ZNF462: variants seen among roughly 807,000 people sequenced by gnomAD.
The protein encoded by ZNF462 is zinc finger PBX1-interacting protein.
ZNF462 carries 10 observed loss-of-function variants against 201.9 expected under a neutral mutation model. The observed-to-expected ratio is 0.05, with a 90% CI of 0.03 to 0.08. ZNF462 has a LOEUF of 0.08. ZNF462 is among the 10% of genes least tolerant of loss of function. The pLI is 1.00. For missense variants in ZNF462, 2,523 were observed against 3,168.3 expected, an observed-to-expected ratio of 0.80 and a Z score of 4.89; for synonymous variants, 1,227 against 1,193.3, an observed-to-expected ratio of 1.03 and a Z score of -0.58.
chr9:106,989,308 G>A (rs943256658), intron 10 of ZNF462, among the ~76,000 whole-genome samples: 2 of 152,112 alleles, frequency 1.3e-5, no homozygotes, highest in Non-Finnish European at 2.9e-5. Flanking sequence ...TGCGATTTCT[G>A]TTTCAAATTC....
At chr9:106,922,530 C>G (rs1214237111) in intron 1 of ZNF462, among the ~76,000 whole-genome samples, 1 of 152,162 alleles carries the variant, frequency 6.6e-6, no homozygotes, top group African/African-American at 2.4e-5. Context: ...CTTAGAAGCC[C>G]TTCTTCAAAA....
At chr9:106,983,527 AG>A (rs556106209) in intron 9 of ZNF462, among the ~76,000 whole-genome samples, 5 of 152,204 alleles carry the variant, frequency 3.3e-5, no homozygotes, top group Non-Finnish European at 7.3e-5. Context: ...ATACCTTAGA[AG>A]GGGAAATGAG....
At chr9:107,007,995 C>G (rs1276294425) in intron 11 of ZNF462, among the ~76,000 whole-genome samples, 1 of 152,144 alleles carries the variant, frequency 6.6e-6, no homozygotes, top group African/African-American at 2.4e-5. Flanking sequence ...CCACCCCACT[C>G]CCTACCTCCT....
Position 106,924,920 on chromosome 9 carries a change from C to T in ZNF462, c.1008C>T (p.Ser336=). ...TCATGAGACCCAATTCTTCAGCTTC[C>T]AAGTTTTCGCCCATGTCTTACCCTC... is the stretch of plus-strand genomic sequence containing the variant. ...NSIMRPNSSA[S]KFSPMSYPQM... Residue 336 remains serine (S), a synonymous_variant, in exon 3 of 13, where the codon TCC becomes TCT. Transcript: ENST00000277225. This position sits in a 1 kb window ranked among gnomAD's most constrained non-coding sequence, Gnocchi z 6.2. 1 of 1,614,196 alleles carries T rather than the reference C, an allele frequency of 6.2e-7. No homozygotes were observed. The highest frequency in any genetic ancestry group is 8.5e-7 in the Non-Finnish European group (1 of 1,180,046).
chr9:106,965,152 T>A (rs1832013911), intron 7 of ZNF462, among the ~76,000 whole-genome samples: 1 of 151,526 alleles, frequency 6.6e-6, no homozygotes, highest in Non-Finnish European at 1.5e-5. Flanking sequence ...TCAGCTGAGT[T>A]TTGAAGGATG....
rs1368297487 is a variant in ZNF462, at chr9:106,917,587, A to G, written c.-30-5767A>G. On this transcript the variant is annotated intron_variant, in intron 1 of 12. Transcript: ENST00000277225. This position sits in a 1 kb window ranked among gnomAD's most constrained non-coding sequence, Gnocchi z 4.5. ...TTTCTCTTCTGAAAATTTGGTTTTGAAGAACAGCTGTGTCTCCCTTCTGAA... is the reference window on the plus strand; with the variant it reads ...TTTCTCTTCTGAAAATTTGGTTTTGGAGAACAGCTGTGTCTCCCTTCTGAA... 6.6e-6 allele frequency among the ~76,000 whole-genome samples: 1 copy of G among 152,206 alleles called. No individual in the cohort carries two copies. The highest frequency in any genetic ancestry group is 1.5e-5 in the Non-Finnish European group (1 of 68,044).
chr9:106,980,659 C>T (rs761859880), intron 9 of ZNF462, among the ~76,000 whole-genome samples: 21 of 152,182 alleles, frequency 1.4e-4, no homozygotes, highest in Non-Finnish European at 2.9e-4. Context: ...TCGGGCCCAA[C>T]CTCTTCGGTT....
upstream of ZNF462, among the ~76,000 whole-genome samples, chr9:106,862,532 CCTT>C (rs1827101320): frequency 6.8e-6 from 1 of 146,792 alleles, no homozygotes; most frequent in South Asian, 2.3e-4. This position sits in a 1 kb window ranked among gnomAD's most constrained non-coding sequence, Gnocchi z 4.2. Flanking sequence ...TTCCCCTTCT[CCTT>C]CTCCTTTGCC....
intron 1 of ZNF462, among the ~76,000 whole-genome samples, chr9:106,898,817 T>A (rs1182451316): frequency 6.6e-6 from 1 of 152,130 alleles, no homozygotes; most frequent in Non-Finnish European, 1.5e-5. Flanking sequence ...CTAAGAAGGT[T>A]GTTGCTGACC....
chr9:106,936,311 T>C (rs762315188), intron 6 of ZNF462, among the ~76,000 whole-genome samples: 1 of 152,210 alleles, frequency 6.6e-6, no homozygotes, highest in Non-Finnish European at 1.5e-5. Flanking sequence ...TTTAGTCCTA[T>C]AATCGTCCTA....
chr9:106,987,303 G>A (rs997724422), intron 10 of ZNF462, among the ~76,000 whole-genome samples: 70 of 152,078 alleles, frequency 4.6e-4, no homozygotes, highest in Admixed American at 3.7e-3. Context: ...TTCGCTCTTC[G>A]TTGCATCCAT....
chr9:106,979,061 G>T, intron 9 of ZNF462: 1 of 167,996 alleles, frequency 6.0e-6, no homozygotes, highest in Non-Finnish European at 1.2e-5. Flanking sequence ...TAGGACTCAG[G>T]GCAAGCGGGA....
chr9:106,864,136 G>A (rs539385218), intron 1 of ZNF462, among the ~76,000 whole-genome samples: 1 of 144,182 alleles, frequency 6.9e-6, no homozygotes, highest in Non-Finnish European at 1.5e-5. Context: ...GGGATGCGGG[G>A]TCGGGATGTG....
intron 1 of ZNF462, among the ~76,000 whole-genome samples, chr9:106,881,519 G>A (rs1323182495): frequency 6.6e-6 from 1 of 152,120 alleles, no homozygotes; most frequent in African/African-American, 2.4e-5. Flanking sequence ...GAAATCTCTG[G>A]TGCAGAGCTT....
chr9:106,864,601 C>T (rs1827248639), intron 1 of ZNF462, among the ~76,000 whole-genome samples: 1 of 152,058 alleles, frequency 6.6e-6, no homozygotes, highest in South Asian at 2.1e-4. Flanking sequence ...TGAAGGAACC[C>T]TCGTTTTCTT....
At chr9:106,986,725 T>C (rs1827859154) in intron 10 of ZNF462, among the ~76,000 whole-genome samples, 2 of 152,148 alleles carry the variant, frequency 1.3e-5, no homozygotes, top group South Asian at 4.1e-4. Context: ...ACCCCAGCAG[T>C]ATACACTGCA....
rs937220021 is a variant in ZNF462 at position 106,984,656 on chromosome 9, C to G, written c.7056+247C>G. 6.6e-6 allele frequency among the ~76,000 whole-genome samples: 1 copy of G among 152,232 alleles called. No homozygotes were observed. Among genetic ancestry groups the G allele is most frequent in the African/African-American group, 2.4e-5 (1 of 41,462 alleles). Reference sequence around the variant, plus strand: ...ACACTAGTCCAAATGCTGAACATTTCTGGTCTGTTCTCTAGACCCACTTTC... The same window carrying G: ...ACACTAGTCCAAATGCTGAACATTTGTGGTCTGTTCTCTAGACCCACTTTC... On this transcript the variant is annotated intron_variant, in intron 10 of 12. Transcript: ENST00000277225. The surrounding 1 kb of genome is among the most constrained non-coding windows in gnomAD (Gnocchi z 6.4).
chr9:106,942,561 A>C (rs552418350), intron 7 of ZNF462, among the ~76,000 whole-genome samples: 1 of 152,228 alleles, frequency 6.6e-6, no homozygotes, highest in Non-Finnish European at 1.5e-5. Flanking sequence ...TAAACAATGC[A>C]TTAAGAGGAA....
chr9:107,005,897 A>G lies in ZNF462; in HGVS notation c.7189+2471A>G, dbSNP rs756170053. On this transcript the variant is annotated intron_variant, in intron 11 of 12. Transcript: ENST00000277225. The surrounding 1 kb of genome is among the most constrained non-coding windows in gnomAD (Gnocchi z 4.4). The stretch of plus-strand genomic sequence containing the variant: ...TAAGGATCTAATTTCATTCTTCTGC[A>G]TGTGGATATCCACCTGTTCCAATAC... 1.3e-5 allele frequency among the ~76,000 whole-genome samples: 2 copies of G among 152,196 alleles called. No individual in the cohort carries two copies. Among genetic ancestry groups the G allele is most frequent in the Non-Finnish European group, 2.9e-5 (2 of 68,036 alleles).
Sources: allele counts gnomAD v4.1 joint callset (sites outside exome capture counted in the v4.1 genomes callset), GRCh38; gene constraint gnomAD v4.1.1; non-coding constraint Gnocchi (gnomAD v3.1); transcripts MANE v1.5; gene names NCBI Gene and HGNC (gene_info 2026-07-23, HGNC 2026-07-21).